The following ZNF462 variants were observed in gnomAD, a reference collection of about 807,000 sequenced individuals.
ZNF462 encodes zinc finger PBX1-interacting protein.
A neutral mutation model predicts 201.9 loss-of-function variants in ZNF462; 10 were observed. That is an observed-to-expected ratio of 0.05 (90% confidence interval 0.03 to 0.08). The LOEUF (loss-of-function observed/expected upper bound fraction) is 0.08, where lower values mean the gene tolerates loss of function less well. Among genes scored for constraint, ZNF462 ranks in the 10% least tolerant of loss-of-function variants. The pLI is 1.00. For synonymous variants in ZNF462, 1,227 were observed against 1,193.3 expected (o/e 1.03, Z -0.58); for missense variants, 2,523 against 3,168.3 (o/e 0.80, Z 4.89).
At chr9:106,976,093 GT>G in intron 9 of ZNF462, 1 of 152,168 alleles carries the variant, frequency 6.6e-6, no homozygotes, top group East Asian at 1.9e-4. Context: ...TCTTAAAGAC[GT>G]GTGTGCCGAA....
At chr9:106,862,753 A>G (rs1018989700), upstream of ZNF462, among the ~76,000 whole-genome samples, 2 of 152,108 alleles carry the variant, frequency 1.3e-5, no homozygotes, top group African/African-American at 4.8e-5. The surrounding 1 kb of genome is among the most constrained non-coding windows in gnomAD (Gnocchi z 4.2). Context: ...CAGCCTCAGC[A>G]TCTCCTCCAG....
chr9:106,928,479 A>G lies in ZNF462; in HGVS notation c.4567A>G (p.Ile1523Val), dbSNP rs761540362. ...CTACAAATGCAGGCATTGCCCATAC[A>G]TCAACACCCGCATCCACGGCGTACT... Reference protein sequence around the residue: ...AVYKCRHCPYINTRIHGVLTH... With the variant: ...AVYKCRHCPYVNTRIHGVLTH... Residue 1523 changes from isoleucine to valine, a missense_variant, in exon 3 of 13, where the codon ATC (isoleucine) becomes GTC (valine). This residue lies in a region of ZNF462 where 200 missense variants were observed against 281.3 expected (regional missense o/e 0.71). Coordinates refer to ENST00000277225, the MANE Select transcript of ZNF462 (RefSeq NM_021224.6). The surrounding 1 kb of genome is among the most constrained non-coding windows in gnomAD (Gnocchi z 9.3). 3.7e-6 allele frequency: 6 copies of G among 1,614,024 alleles called. No individual in the cohort carries two copies. Among genetic ancestry groups the G allele is most frequent in the Non-Finnish European group, 4.2e-6 (5 of 1,180,028 alleles).
At position 106,924,360 on chromosome 9, in the gene ZNF462, T is replaced by G. The variant is rs1395483487; in HGVS notation, c.448T>G (p.Tyr150Asp). 2 of 1,614,118 alleles carry G rather than the reference T, an allele frequency of 1.2e-6. No individual in the cohort carries two copies. The highest frequency in any genetic ancestry group is 2.2e-5 in the East Asian group (1 of 44,878). Residue 150 changes from tyrosine to aspartate, a missense_variant, in exon 3 of 13, where the codon TAT (tyrosine) becomes GAT (aspartate). This residue lies in a region of ZNF462 where 480 missense variants were observed against 544.4 expected (regional missense o/e 0.88). Transcript: ENST00000277225. The surrounding 1 kb of genome is among the most constrained non-coding windows in gnomAD (Gnocchi z 6.2). ...ACCCCCTGTCCCGGGATCCTTAAAT[T>G]ATAATATCATGATGCACGAGGGATT... ...SGPPVPGSLN[Y>D]NIMMHEGFGK...
Position 106,923,575 on chromosome 9 carries a change from T to C in ZNF462, c.192T>C (p.Asp64=). 1.2e-6 allele frequency: 2 copies of C among 1,614,256 alleles called. No individual in the cohort carries two copies. The highest frequency in any genetic ancestry group is 1.1e-5 in the South Asian group (1 of 91,084). The change falls in exon 2 of 13, where the codon GAT becomes GAC. Residue 64 remains aspartate (D), a synonymous_variant. Coordinates refer to ENST00000277225, the MANE Select transcript of ZNF462 (RefSeq NM_021224.6). The surrounding 1 kb of genome is among the most constrained non-coding windows in gnomAD (Gnocchi z 5.6). ...AGGTGGAGTTTTCTTCTATAAAGGA[T>C]GAATTTGCCATTGCAGAAGATTTAT... is the stretch of plus-strand genomic sequence containing the variant. The part of the protein sequence containing the change: ...QTEVEFSSIK[D]EFAIAEDLSG...
intron 1 of ZNF462, among the ~76,000 whole-genome samples, chr9:106,864,070 C>CTCTCTG (rs1827194142): frequency 8.1e-6 from 1 of 124,054 alleles, no homozygotes; most frequent in Non-Finnish European, 1.7e-5. Context: ...CTCTCTCTCT[C>CTCTCTG]TCTCTCTCTC....
intron 1 of ZNF462, among the ~76,000 whole-genome samples, chr9:106,887,388 AAC>A (rs1400701778): frequency 6.6e-6 from 1 of 152,188 alleles, no homozygotes; most frequent in Non-Finnish European, 1.5e-5. Flanking sequence ...GAAGTATAAA[AAC>A]AGTTTCACAA....
chr9:106,860,796 C>T (rs1320723825), upstream of ZNF462, among the ~76,000 whole-genome samples: 1 of 152,172 alleles, frequency 6.6e-6, no homozygotes, highest in Non-Finnish European at 1.5e-5. The surrounding 1 kb of genome is among the most constrained non-coding windows in gnomAD (Gnocchi z 7.1). Context: ...TCAGACACCC[C>T]CCGGGTCCCG....
intron 7 of ZNF462, among the ~76,000 whole-genome samples, chr9:106,957,056 T>C (rs757445792): frequency 2.0e-5 from 3 of 152,176 alleles, no homozygotes; most frequent in Non-Finnish European, 2.9e-5. Flanking sequence ...ATTCACAACT[T>C]GACTAACTGT....
chr9:106,900,826 C>T (rs891608754), intron 1 of ZNF462, among the ~76,000 whole-genome samples: 1 of 152,058 alleles, frequency 6.6e-6, no homozygotes, highest in Non-Finnish European at 1.5e-5. Flanking sequence ...TTTTCTCCTA[C>T]TCTGTGGGTT....
rs768998342 is a variant in ZNF462 at position 106,928,467 on chromosome 9, C to T, written c.4555C>T (p.His1519Tyr). Residue 1519 changes from histidine (H) to tyrosine (Y), a missense_variant, in exon 3 of 13, where the codon CAT becomes TAT. Around this residue, in one of 15 missense-constraint regions of ZNF462, gnomAD observed 200 missense variants for 281.3 expected, o/e 0.71. Coordinates refer to ENST00000277225, the MANE Select transcript of ZNF462 (RefSeq NM_021224.6). This position sits in a 1 kb window ranked among gnomAD's most constrained non-coding sequence, Gnocchi z 9.3. ...INPGAVYKCR[H>Y]CPYINTRIHG... is the part of the protein sequence containing the mutation. ...CCCAGGTGCCGTCTACAAATGCAGG[C>T]ATTGCCCATACATCAACACCCGCAT... 1.2e-6 allele frequency: 2 copies of T among 1,614,150 alleles called. No individual in the cohort carries two copies. The highest frequency in any genetic ancestry group is 1.7e-6 in the Non-Finnish European group (2 of 1,180,032).
Position 106,993,811 on chromosome 9 carries a change from C to A in ZNF462, c.7056+9402C>A, listed in dbSNP as rs116225039. ...CCAGGCTGAGGTGCAATGGCGCAATCATAGCTCACTGCATCTTCAAACTCC... is the reference window on the plus strand; with the variant it reads ...CCAGGCTGAGGTGCAATGGCGCAATAATAGCTCACTGCATCTTCAAACTCC... On this transcript the variant is annotated intron_variant, in intron 10 of 12. Coordinates refer to ENST00000277225, the MANE Select transcript of ZNF462 (RefSeq NM_021224.6). The surrounding 1 kb of genome is among the most constrained non-coding windows in gnomAD (Gnocchi z 4.0). Among the ~76,000 whole-genome samples, 3,298 of 152,186 alleles carry A rather than the reference C, an allele frequency of 0.022. 113 individuals carry two copies. The highest frequency in any genetic ancestry group is 0.075 in the African/African-American group (3,110 of 41,514).
rs1831874313 is a variant in ZNF462, at chr9:106,962,224, T to TG, written c.6428-9778dup. ...AGGGCCTGAACAAAAGCCATGGCAG[T>TG]GGGCTAGTGAGTGGATCACAGAGAT... is the stretch of plus-strand genomic sequence containing the variant. On this transcript the variant is annotated intron_variant, in intron 7 of 12. Transcript: ENST00000277225. This position sits in a 1 kb window ranked among gnomAD's most constrained non-coding sequence, Gnocchi z 4.6. Among the ~76,000 whole-genome samples, 1 of 152,026 alleles carries TG rather than the reference T, an allele frequency of 6.6e-6. No homozygotes were observed. The highest frequency in any genetic ancestry group is 2.4e-5 in the African/African-American group (1 of 41,416).
At chr9:106,904,115 G>A (rs1829169347) in intron 1 of ZNF462, among the ~76,000 whole-genome samples, 1 of 152,146 alleles carries the variant, frequency 6.6e-6, no homozygotes, top group South Asian at 2.1e-4. Flanking sequence ...TTCTCGTAGT[G>A]GTGGTTTGGT....
At chr9:106,862,600 T>G (rs909578162), upstream of ZNF462, among the ~76,000 whole-genome samples, 3 of 145,088 alleles carry the variant, frequency 2.1e-5, no homozygotes, top group African/African-American at 7.4e-5. This position sits in a 1 kb window ranked among gnomAD's most constrained non-coding sequence, Gnocchi z 4.2. Flanking sequence ...CACCACCACC[T>G]CCTCCTCCTC....
chr9:106,874,465 G>A (rs1236876578), intron 1 of ZNF462, among the ~76,000 whole-genome samples: 6 of 152,204 alleles, frequency 3.9e-5, no homozygotes, highest in Admixed American at 2.6e-4. Flanking sequence ...GGGAATTTGC[G>A]AACACATTCA....
intron 1 of ZNF462, among the ~76,000 whole-genome samples, chr9:106,910,784 T>A (rs983921051): frequency 1.3e-5 from 2 of 152,228 alleles, no homozygotes; most frequent in Non-Finnish European, 2.9e-5. Context: ...TGGAAGTTTC[T>A]TTGGTTAGCC....
rs1829658750 is a variant in ZNF462 at position 106,913,939 on chromosome 9, C to A, written c.-30-9415C>A. ...TTTAATGACATTTGCCCCTTACTCA[C>A]AAAACTCACAGGATTATCAACTGTG... On this transcript the variant is annotated intron_variant, in intron 1 of 12. Coordinates refer to ENST00000277225, the MANE Select transcript of ZNF462 (RefSeq NM_021224.6). This position sits in a 1 kb window ranked among gnomAD's most constrained non-coding sequence, Gnocchi z 4.1. Among the ~76,000 whole-genome samples the A allele has an allele frequency of 6.7e-6, 1 of 150,062 alleles. No homozygotes were observed. Among genetic ancestry groups the A allele is most frequent in the Non-Finnish European group, 1.5e-5 (1 of 67,362 alleles).
At chr9:106,899,239 T>TGG (rs71384992) in intron 1 of ZNF462, among the ~76,000 whole-genome samples, 62 of 57,500 alleles carry the variant, frequency 1.1e-3, no homozygotes, top group Non-Finnish European at 1.8e-3. Flanking sequence ...TGTGTGTGTG[T>TGG]GGGGGGGGGG....
intron 1 of ZNF462, among the ~76,000 whole-genome samples, chr9:106,874,656 C>T (rs1050205926): frequency 2.0e-5 from 3 of 152,114 alleles, no homozygotes; most frequent in Non-Finnish European, 2.9e-5. Flanking sequence ...TAAAATAGCA[C>T]GTATTTAAGG....
Sources: allele counts gnomAD v4.1 joint callset (sites outside exome capture counted in the v4.1 genomes callset), GRCh38; gene constraint gnomAD v4.1.1; regional missense constraint gnomAD v4.1.1; non-coding constraint Gnocchi (gnomAD v3.1); transcripts MANE v1.5; gene names NCBI Gene and HGNC (gene_info 2026-07-23, HGNC 2026-07-21).